LMX1B: variants seen among roughly 807,000 people sequenced by gnomAD.
LMX1B encodes LIM homeobox transcription factor 1-beta.
LMX1B carries 12 observed loss-of-function variants against 51.4 expected under a neutral mutation model. That is an observed-to-expected ratio of 0.23 (90% confidence interval 0.15 to 0.38). The LOEUF (loss-of-function observed/expected upper bound fraction) is 0.38, where lower values mean the gene tolerates loss of function less well. Ranked by LOEUF, LMX1B falls within the 10% of genes least tolerant of loss-of-function variation. The probability of loss-of-function intolerance (pLI) is 1.00; values close to 1 mark genes in which losing one functional copy is unlikely to be tolerated. For missense variants in LMX1B, 445 were observed against 571.1 expected, an observed-to-expected ratio of 0.78 and a Z score of 2.25; for synonymous variants, 237 against 235.4, an observed-to-expected ratio of 1.01 and a Z score of -0.06.
rs531152425 is a variant in LMX1B, at chr9:126,695,314, C to G, written c.887-525C>G. On this transcript the variant is annotated intron_variant, in intron 6 of 7. Transcript: ENST00000373474. This position sits in a 1 kb window ranked among gnomAD's most constrained non-coding sequence, Gnocchi z 5.2. ...GTGGTCCCTCTCAGCTGGTCTCCCCCACACCGACCTCTCTCCCTGCCTCTT... is the reference window on the plus strand; with the variant it reads ...GTGGTCCCTCTCAGCTGGTCTCCCCGACACCGACCTCTCTCCCTGCCTCTT... Among the ~76,000 whole-genome samples, 13 of 152,308 alleles carry G rather than the reference C, an allele frequency of 8.5e-5. No homozygotes were observed. The highest frequency in any genetic ancestry group is 2.9e-4 in the African/African-American group (12 of 41,570).
chr9:126,658,368 G>A lies in LMX1B; in HGVS notation c.327-32468G>A, dbSNP rs1403399191. Among the ~76,000 whole-genome samples the A allele has an allele frequency of 2.6e-5, 4 of 151,494 alleles. No homozygotes were observed. Among genetic ancestry groups the A allele is most frequent in the East Asian group, 2.0e-4 (1 of 5,116 alleles). On this transcript the variant is annotated intron_variant, in intron 2 of 7. Coordinates refer to ENST00000373474, the MANE Select transcript of LMX1B (RefSeq NM_001174147.2). The surrounding 1 kb of genome is among the most constrained non-coding windows in gnomAD (Gnocchi z 4.0). ...GTAACAGCAAGCCAGCCTCAAATTC[G>A]GCTGGCCCTCCCCCTGGCTGCCGGG...
Position 126,696,349 on chromosome 9 carries a change from C to A in LMX1B, c.1107C>A (p.Ser369Arg), listed in dbSNP as rs10115304. The change falls in exon 8 of 8, where the codon AGC becomes AGA. Residue 369 changes from serine (S) to arginine (R), a missense_variant. Around this residue, in one of 3 missense-constraint regions of LMX1B, gnomAD observed 162 missense variants for 187.8 expected, o/e 0.86. Transcript: ENST00000373474. ...IDSDTSLTSL[S>R]DCFLGSSDVG... Reference sequence around the variant, plus strand: ...GCGATACCTCCTTAACCAGCCTCAGCGACTGCTTCCTCGGCTCCTCAGACG... The same window carrying A: ...GCGATACCTCCTTAACCAGCCTCAGAGACTGCTTCCTCGGCTCCTCAGACG... 142 of 1,613,934 alleles carry A rather than the reference C, an allele frequency of 8.8e-5. No homozygotes were observed. The highest frequency in any genetic ancestry group is 1.7e-6 in the Non-Finnish European group (2 of 1,179,980).
chr9:126,615,565 C>G lies in LMX1B; in HGVS notation c.322C>G (p.Gln108Glu). Residue 108 changes from glutamine to glutamate, a missense_variant, in exon 2 of 8, where the codon CAA (glutamine) becomes GAA (glutamate). By Grantham distance (29) the Gln-to-Glu change is conservative. Around this residue, in one of 3 missense-constraint regions of LMX1B, gnomAD observed 273 missense variants for 343.3 expected, o/e 0.80. Transcript: ENST00000373474. This position sits in a 1 kb window ranked among gnomAD's most constrained non-coding sequence, Gnocchi z 6.0. The part of the protein sequence containing the change: ...DRKLYCKQDY[Q>E]QLFAAKCSGC... ...GAAACTGTACTGCAAACAAGACTAC[C>G]AACAGTAAGCGCTTCTCGTCCTCCT... 6.2e-7 allele frequency: 1 copy of G among 1,608,214 alleles called. No homozygotes were observed. The highest frequency in any genetic ancestry group is 8.5e-7 in the Non-Finnish European group (1 of 1,177,156).
intron 2 of LMX1B, among the ~76,000 whole-genome samples, chr9:126,683,393 T>TA (rs2118972440): frequency 6.6e-6 from 1 of 152,170 alleles, no homozygotes; most frequent in South Asian, 2.1e-4. Flanking sequence ...TGTCTCAAAA[T>TA]AAAAAACAGC....
Position 126,695,610 on chromosome 9 carries a change from G to A in LMX1B, c.887-229G>A, listed in dbSNP as rs2118996709. On this transcript the variant is annotated intron_variant, in intron 6 of 7. Transcript: ENST00000373474. The surrounding 1 kb of genome is among the most constrained non-coding windows in gnomAD (Gnocchi z 5.2). ...CTGGATCCCCTGGAGGGGCGGGGTGGTGGGAGGAAAGAAGATGAGGAGGGG... is the reference window on the plus strand; with the variant it reads ...CTGGATCCCCTGGAGGGGCGGGGTGATGGGAGGAAAGAAGATGAGGAGGGG... Among the ~76,000 whole-genome samples, 1 of 152,306 alleles carries A rather than the reference G, an allele frequency of 6.6e-6. No homozygotes were observed. Among genetic ancestry groups the A allele is most frequent in the East Asian group, 1.9e-4 (1 of 5,186 alleles).
chr9:126,663,175 A>C (rs931137538), intron 2 of LMX1B, among the ~76,000 whole-genome samples: 9 of 152,178 alleles, frequency 5.9e-5, no homozygotes, highest in South Asian at 2.1e-4. Flanking sequence ...ACCTGTAATC[A>C]CAGCACTTTG....
intron 2 of LMX1B, among the ~76,000 whole-genome samples, chr9:126,634,899 T>G (rs933640301): frequency 6.6e-6 from 1 of 152,100 alleles, no homozygotes; most frequent in East Asian, 1.9e-4. Flanking sequence ...CCCAGAGACA[T>G]GGAAGCCTGT....
chr9:126,620,625 C>T (rs923992804), intron 2 of LMX1B, among the ~76,000 whole-genome samples: 1 of 151,752 alleles, frequency 6.6e-6, no homozygotes, highest in Non-Finnish European at 1.5e-5. Context: ...GTGCTGTGCT[C>T]TTTCTCCCTG....
At chr9:126,683,435 C>G (rs1023104371) in intron 2 of LMX1B, among the ~76,000 whole-genome samples, 1 of 152,142 alleles carries the variant, frequency 6.6e-6, no homozygotes, top group East Asian at 1.9e-4. Flanking sequence ...GCGGCAGGCA[C>G]GTGGGGGAGA....
chr9:126,617,157 G>A (rs923388407), intron 2 of LMX1B, among the ~76,000 whole-genome samples: 2 of 152,136 alleles, frequency 1.3e-5, no homozygotes, highest in South Asian at 2.1e-4. Context: ...AAATAGTTTG[G>A]GGTAGATGTG....
Position 126,693,739 on chromosome 9 carries a change from C to T in LMX1B, c.820-7C>T. ...CAGCACCGGCCTGAACTGCGCTCTCCCTGCAGATGAAGAAGCTGGCGCGGC... is the reference window on the plus strand; with the variant it reads ...CAGCACCGGCCTGAACTGCGCTCTCTCTGCAGATGAAGAAGCTGGCGCGGC... On this transcript the variant is annotated splice_region_variant and splice_polypyrimidine_tract_variant and intron_variant, in intron 5 of 7. Transcript: ENST00000373474. 1 of 1,562,292 alleles carries T rather than the reference C, an allele frequency of 6.4e-7. No individual in the cohort carries two copies.
rs762352505 is a variant in LMX1B, at chr9:126,641,954, G to A, written c.326+26385G>A. 8.5e-5 allele frequency among the ~76,000 whole-genome samples: 13 copies of A among 152,156 alleles called. No homozygotes were observed. Among genetic ancestry groups the A allele is most frequent in the East Asian group, 1.9e-4 (1 of 5,198 alleles). ...AGCTTATCCCCATTTTACAGATGAC[G>A]CAACAGCCTCAGAGCAGACCCATTC... On this transcript the variant is annotated intron_variant, in intron 2 of 7. Transcript: ENST00000373474. This position sits in a 1 kb window ranked among gnomAD's most constrained non-coding sequence, Gnocchi z 4.1.
chr9:126,661,126 C>A (rs1278180329), intron 2 of LMX1B, among the ~76,000 whole-genome samples: 1 of 152,224 alleles, frequency 6.6e-6, no homozygotes, highest in East Asian at 1.9e-4. Flanking sequence ...AGTAGACACG[C>A]CCATACACAG....
rs181187127 is a variant in LMX1B, at chr9:126,697,601, G to A, written c.*1150G>A. The A allele has an allele frequency of 3.3e-5, 5 of 152,570 alleles. No individual in the cohort carries two copies. Among genetic ancestry groups the A allele is most frequent in the African/African-American group, 1.2e-4 (5 of 41,574 alleles). The allele number at this position is 152,570 out of a possible 1,614,324, so 9.5% of individuals were successfully genotyped here. On this transcript the variant is annotated 3_prime_UTR_variant, in exon 8 of 8. Coordinates refer to ENST00000373474, the MANE Select transcript of LMX1B (RefSeq NM_001174147.2). ...GGCCTCCGGCTGTCCCTCTAAAGGT[G>A]TGGGGCAGGTATCACTTCACCTTCC...
At chr9:126,666,291 A>T (rs1330802970) in intron 2 of LMX1B, among the ~76,000 whole-genome samples, 1 of 152,240 alleles carries the variant, frequency 6.6e-6, no homozygotes, top group African/African-American at 2.4e-5. Context: ...CATTCAGCTG[A>T]CAGCCCTGGA....
At chr9:126,668,744 G>A (rs953907907) in intron 2 of LMX1B, among the ~76,000 whole-genome samples, 4 of 152,104 alleles carry the variant, frequency 2.6e-5, no homozygotes, top group South Asian at 2.1e-4. Flanking sequence ...ATGAGCCACC[G>A]TGCCTGGCCC....
chr9:126,693,899 AGGCTGGGGCTGGGTGAGCCTGGGCCAG>A, intron 6 of LMX1B, 87 bp downstream of exon 6: 2 of 694,424 alleles, frequency 2.9e-6, no homozygotes, highest in Non-Finnish European at 5.0e-6. Flanking sequence ...GCTGGGGCAG[AGGCTGGGGCTGGGTGAGCCTGGGCCAG>A]GGCTGGGACC....
chr9:126,623,196 AT>A (rs1259040622), intron 2 of LMX1B, among the ~76,000 whole-genome samples: 1 of 151,414 alleles, frequency 6.6e-6, no homozygotes, highest in African/African-American at 2.4e-5. Context: ...TTTTATTTTT[AT>A]TTTTTTTCCC....
In LMX1B at chr9:126,615,282, C is replaced by T. The variant is rs982135261; in HGVS notation, c.140-101C>T. The T allele has an allele frequency of 2.8e-5, 24 of 872,316 alleles. No individual in the cohort carries two copies. The highest frequency in any genetic ancestry group is 3.6e-5 in the African/African-American group (2 of 55,996). The allele number at this position is 872,316 out of a possible 1,614,324, so 54.0% of individuals were successfully genotyped here. ...GGCGGCAGGCGGTGATCCCGGGCGG[C>T]CCGAGCCCTCGGGGCCGAGGGCTGT... On this transcript the variant is annotated intron_variant, in intron 1 of 7. Coordinates refer to ENST00000373474, the MANE Select transcript of LMX1B (RefSeq NM_001174147.2). The surrounding 1 kb of genome is among the most constrained non-coding windows in gnomAD (Gnocchi z 6.0).
Sources: allele counts gnomAD v4.1 joint callset (sites outside exome capture counted in the v4.1 genomes callset), GRCh38; gene constraint gnomAD v4.1.1; regional missense constraint gnomAD v4.1.1; non-coding constraint Gnocchi (gnomAD v3.1); transcripts MANE v1.5; gene names NCBI Gene and HGNC (gene_info 2026-07-23, HGNC 2026-07-21).